The following LRP1B variants were observed in gnomAD, a reference collection of about 807,000 sequenced individuals.
LRP1B encodes LDL receptor related protein 1B, also known as low-density lipoprotein receptor-related protein 1B.
LRP1B carries 217 observed loss-of-function variants against 556.6 expected under a neutral mutation model. That is an observed-to-expected ratio of 0.39 (90% CI 0.35 to 0.44). The LOEUF (loss-of-function observed/expected upper bound fraction) is 0.44, where lower values mean the gene tolerates loss of function less well. Among genes scored for constraint, LRP1B ranks in the 20% least tolerant of loss-of-function variants. LRP1B has a pLI of 1.00. For missense variants in LRP1B, 5,053 were observed against 5,620.8 expected, an observed-to-expected ratio of 0.90 and a Z score of 3.23; for synonymous variants, 2,047 against 1,865.8, an observed-to-expected ratio of 1.10 and a Z score of -2.50.
At chr2:141,096,314 G>T (rs184993159) in intron 7 of LRP1B, among the ~76,000 whole-genome samples, 7 of 151,928 alleles carry the variant, frequency 4.6e-5, no homozygotes, top group Non-Finnish European at 7.4e-5. Context: ...TCGGCCAGGC[G>T]CAGTGGCTCA....
intron 66 of LRP1B, among the ~76,000 whole-genome samples, chr2:140,426,561 C>T (rs965168102): frequency 6.6e-6 from 1 of 152,166 alleles, no homozygotes; most frequent in African/African-American, 2.4e-5. Flanking sequence ...CTTCTCCTGG[C>T]TCATCCTGGC....
At chr2:141,252,310 A>G (rs1465993028) in intron 4 of LRP1B, among the ~76,000 whole-genome samples, 1 of 152,086 alleles carries the variant, frequency 6.6e-6, no homozygotes, top group Non-Finnish European at 1.5e-5. Context: ...CGAATATCCA[A>G]ACTAAGAAAA....
At chr2:140,905,538 T>A (rs369114315) in intron 22 of LRP1B, among the ~76,000 whole-genome samples, 1 of 152,102 alleles carries the variant, frequency 6.6e-6, no homozygotes, top group Admixed American at 6.6e-5. Flanking sequence ...GAACTCTGCC[T>A]CTCATTCTCC....
At chr2:140,274,367 C>G (rs947339782) in intron 85 of LRP1B, 57 bp downstream of exon 85, 2 of 1,449,604 alleles carry the variant, frequency 1.4e-6, no homozygotes, top group Non-Finnish European at 1.9e-6. Flanking sequence ...TATTACTGAA[C>G]TGCAATGTCC....
At position 140,824,258 on chromosome 2, in the gene LRP1B, T is replaced by A. The variant is rs189984969; in HGVS notation, c.5210-10452A>T. Among the ~76,000 whole-genome samples the A allele has an allele frequency of 2.8e-3, 426 of 152,150 alleles. 1 individual carries two copies. The highest frequency in any genetic ancestry group is 8.9e-3 in the African/African-American group (369 of 41,548). ...CGCACAGTGAAAATACTCTTTTTTT[T>A]AAAAAAGTTACTATGCACTGTACTT... On this transcript the variant is annotated intron_variant, in intron 31 of 90. Coordinates refer to ENST00000389484, the MANE Select transcript of LRP1B (RefSeq NM_018557.3).
At chr2:140,332,520 T>A (rs1680866566) in intron 79 of LRP1B, among the ~76,000 whole-genome samples, 1 of 152,084 alleles carries the variant, frequency 6.6e-6, no homozygotes, top group African/African-American at 2.4e-5. Flanking sequence ...GGTGCTTTTG[T>A]AGTGAGGACT....
intron 1 of LRP1B, among the ~76,000 whole-genome samples, chr2:141,811,819 T>C (rs1412012108): frequency 1.3e-5 from 2 of 152,118 alleles, no homozygotes; most frequent in African/African-American, 4.8e-5. Flanking sequence ...CCAGTCTTTG[T>C]CTTAAAGGAT....
intron 2 of LRP1B, among the ~76,000 whole-genome samples, chr2:141,808,563 C>A (rs1696236244): frequency 1.3e-5 from 2 of 152,250 alleles, no homozygotes; most frequent in South Asian, 4.1e-4. Context: ...GATTTATCTT[C>A]CCTTTTCAAA....
rs566192349 is a variant in LRP1B at position 140,289,846 on chromosome 2, A to T, written c.12967+7962T>A. On this transcript the variant is annotated intron_variant, in intron 84 of 90. Coordinates refer to ENST00000389484, the MANE Select transcript of LRP1B (RefSeq NM_018557.3). Reference sequence around the variant, plus strand: ...TTCACATTGATTAAAATCTAATTTTATTTTTACACTTTTTTCCTTTAATCT... The same window carrying T: ...TTCACATTGATTAAAATCTAATTTTTTTTTTACACTTTTTTCCTTTAATCT... Among the ~76,000 whole-genome samples, 5 of 152,098 alleles carry T rather than the reference A, an allele frequency of 3.3e-5. No individual in the cohort carries two copies. In the South Asian group the frequency reaches 1.0e-3, roughly 32 times the overall value.
intron 1 of LRP1B, among the ~76,000 whole-genome samples, chr2:141,883,556 C>T (rs1699022163): frequency 6.6e-6 from 1 of 152,052 alleles, no homozygotes; most frequent in African/African-American, 2.4e-5. Flanking sequence ...CCTGTCTCTA[C>T]AGAAAACAAC....
intron 7 of LRP1B, among the ~76,000 whole-genome samples, chr2:141,141,370 T>C (rs1487069100): frequency 6.6e-6 from 1 of 152,148 alleles, no homozygotes; most frequent in Non-Finnish European, 1.5e-5. Context: ...GTTTTATGTG[T>C]CAAATCAATT....
intron 23 of LRP1B, among the ~76,000 whole-genome samples, chr2:140,897,447 C>T (rs1693985878): frequency 6.6e-6 from 1 of 152,170 alleles, no homozygotes; most frequent in Admixed American, 6.5e-5. Context: ...TTATTCTAAC[C>T]TTCCCAGACT....
chr2:140,560,031 G>A (rs1407384044), intron 43 of LRP1B, among the ~76,000 whole-genome samples: 2 of 151,986 alleles, frequency 1.3e-5, no homozygotes, highest in African/African-American at 4.8e-5. Context: ...ACTTTACAGT[G>A]GAATAAAATG....
chr2:140,409,446 G>A (rs150082495), intron 66 of LRP1B, among the ~76,000 whole-genome samples: 78 of 151,912 alleles, frequency 5.1e-4, no homozygotes, highest in African/African-American at 1.7e-3. Context: ...TAACAAGTTC[G>A]TCCACCATTT....
At chr2:141,053,875 T>C (rs1016677355) in intron 10 of LRP1B, among the ~76,000 whole-genome samples, 1 of 151,562 alleles carries the variant, frequency 6.6e-6, no homozygotes, top group South Asian at 2.1e-4. Context: ...GCCATCCAGA[T>C]CAATTTTTAA....
intron 4 of LRP1B, among the ~76,000 whole-genome samples, chr2:141,249,940 A>G (rs186717200): frequency 1.8e-4 from 28 of 152,140 alleles, no homozygotes; most frequent in African/African-American, 6.8e-4. Context: ...CTATTAACAG[A>G]GTTTTGTCCT....
chr2:141,820,043 A>C (rs1696703149), intron 1 of LRP1B, among the ~76,000 whole-genome samples: 2 of 152,144 alleles, frequency 1.3e-5, no homozygotes, highest in Non-Finnish European at 1.5e-5. Context: ...AGTAAGATAA[A>C]ATTAAGTTCT....
At chr2:141,440,027 TCGA>T (rs1030945620) in intron 3 of LRP1B, among the ~76,000 whole-genome samples, 3 of 152,134 alleles carry the variant, frequency 2.0e-5, no homozygotes, top group African/African-American at 7.2e-5. Context: ...ACTATTTTGG[TCGA>T]CAACACATAA....
At chr2:141,345,740 A>T (rs1193898426) in intron 3 of LRP1B, among the ~76,000 whole-genome samples, 1 of 151,106 alleles carries the variant, frequency 6.6e-6, no homozygotes, top group Non-Finnish European at 1.5e-5. Context: ...ACTGGCCTCA[A>T]GTGATCCTCT....
Sources: gnomAD v4.1 joint callset for allele counts (sites outside exome capture counted in the v4.1 genomes callset) on GRCh38, gnomAD v4.1.1 for gene constraint, MANE v1.5 for transcripts, NCBI Gene and HGNC (gene_info 2026-07-23, HGNC 2026-07-21) for gene names.